Variants in CADM2 observed in about 807,000 individuals in gnomAD.
The protein encoded by CADM2 is cell adhesion molecule 2.
In CADM2, 12 loss-of-function variants were observed where a neutral mutation model predicts 49.8. The ratio of observed to expected loss-of-function variants is 0.24; its 90% confidence interval spans 0.15 to 0.39. The LOEUF is 0.39. Among genes scored for constraint, CADM2 ranks in the 10% least tolerant of loss-of-function variants. The probability of loss-of-function intolerance (pLI) is 1.00; values close to 1 mark genes in which losing one functional copy is unlikely to be tolerated. For synonymous variants in CADM2, 214 were observed against 175.4 expected, an observed-to-expected ratio of 1.22 and a Z score of -1.74; for missense variants, 378 against 492.3, an observed-to-expected ratio of 0.77 and a Z score of 2.20.
intron 1 of CADM2, among the ~76,000 whole-genome samples, chr3:85,354,429 A>G (rs1474983084): frequency 6.6e-6 from 1 of 151,404 alleles, no homozygotes; most frequent in East Asian, 2.0e-4. Context: ...GGTGCAGCAC[A>G]CCAACATGGC....
intron 1 of CADM2, among the ~76,000 whole-genome samples, chr3:85,295,509 T>G (rs1359379735): frequency 6.6e-6 from 1 of 152,026 alleles, no homozygotes; most frequent in Non-Finnish European, 1.5e-5. Context: ...TATTGCGGCA[T>G]TATTCACAAT....
At chr3:86,023,441 C>T (rs1354987770) in intron 8 of CADM2, among the ~76,000 whole-genome samples, 2 of 152,048 alleles carry the variant, frequency 1.3e-5, no homozygotes, top group African/African-American at 4.8e-5. Flanking sequence ...TCACTGCAAC[C>T]TCCACCTCCC....
At chr3:86,046,681 T>C (rs983082806) in intron 8 of CADM2, among the ~76,000 whole-genome samples, 4 of 152,130 alleles carry the variant, frequency 2.6e-5, no homozygotes, top group Non-Finnish European at 5.9e-5. Flanking sequence ...CCTGGGGACA[T>C]TATCAGCATG....
At chr3:85,209,394 C>T (rs1576123158) in intron 1 of CADM2, among the ~76,000 whole-genome samples, 1 of 151,934 alleles carries the variant, frequency 6.6e-6, no homozygotes, top group East Asian at 1.9e-4. Context: ...TAACTGAAGT[C>T]CTGAAAGGTT....
chr3:84,987,951 A>G (rs1324930005), intron 1 of CADM2, among the ~76,000 whole-genome samples: 4 of 152,168 alleles, frequency 2.6e-5, no homozygotes, highest in African/African-American at 9.6e-5. Flanking sequence ...CTTACTGAAC[A>G]CAGCCCTCGT....
intron 1 of CADM2, among the ~76,000 whole-genome samples, chr3:85,343,108 A>C (rs1015865142): frequency 6.6e-6 from 1 of 152,166 alleles, no homozygotes; most frequent in African/African-American, 2.4e-5. Flanking sequence ...GAAAATGGTA[A>C]TGCTACTGAC....
chr3:85,927,185 T>G (rs1401991323), intron 6 of CADM2, among the ~76,000 whole-genome samples: 1 of 152,204 alleles, frequency 6.6e-6, no homozygotes. Flanking sequence ...CGAGTAAATT[T>G]GATTTTCTAA....
chr3:85,903,795 C>G (rs1010143998), intron 5 of CADM2, among the ~76,000 whole-genome samples: 1 of 152,082 alleles, frequency 6.6e-6, no homozygotes, highest in Non-Finnish European at 1.5e-5. Flanking sequence ...CAGTGATTCC[C>G]CTTCACTATT....
At chr3:85,787,615 A>G (rs1342588685) in intron 2 of CADM2, among the ~76,000 whole-genome samples, 1 of 152,136 alleles carries the variant, frequency 6.6e-6, no homozygotes, top group Non-Finnish European at 1.5e-5. Flanking sequence ...TGCAAGTACC[A>G]TATGTTCAGC....
intron 8 of CADM2, among the ~76,000 whole-genome samples, chr3:86,060,863 T>C (rs1738550491): frequency 6.6e-6 from 1 of 151,820 alleles, no homozygotes; most frequent in African/African-American, 2.4e-5. Flanking sequence ...ACGTCTGTAG[T>C]CCCAGCTGCT....
At chr3:85,872,452 A>G (rs2075965903) in intron 3 of CADM2, among the ~76,000 whole-genome samples, 2 of 151,744 alleles carry the variant, frequency 1.3e-5, no homozygotes, top group African/African-American at 4.8e-5. Flanking sequence ...GTTTTTGGTA[A>G]GTTTTGGAAC....
intron 8 of CADM2, among the ~76,000 whole-genome samples, chr3:86,048,832 A>G (rs1405172277): frequency 6.6e-6 from 1 of 152,132 alleles, no homozygotes; most frequent in African/African-American, 2.4e-5. Context: ...TCTACATAAG[A>G]TCCCATCTCA....
At chr3:85,815,012 C>T (rs756235454) in intron 3 of CADM2, among the ~76,000 whole-genome samples, 2 of 152,038 alleles carry the variant, frequency 1.3e-5, no homozygotes, top group Non-Finnish European at 2.9e-5. Context: ...TCGATAAATT[C>T]CTGGACACAT....
chr3:85,014,672 G>T (rs900278641), intron 1 of CADM2, among the ~76,000 whole-genome samples: 1 of 152,134 alleles, frequency 6.6e-6, no homozygotes, highest in Non-Finnish European at 1.5e-5. Flanking sequence ...TCACAAGATT[G>T]CAGAGGCTAT....
At chr3:85,037,162 T>C (rs937505210) in intron 1 of CADM2, among the ~76,000 whole-genome samples, 4 of 150,872 alleles carry the variant, frequency 2.7e-5, no homozygotes, top group Non-Finnish European at 5.9e-5. Flanking sequence ...AGAGTGAAAC[T>C]CCATCTCTAA....
chr3:85,914,194 A>C (rs2108486226), intron 6 of CADM2, among the ~76,000 whole-genome samples: 1 of 152,312 alleles, frequency 6.6e-6, no homozygotes, highest in Middle Eastern at 3.4e-3. Context: ...AAGCAAATTC[A>C]GAAAGAAGCA....
At chr3:85,590,929 T>C (rs2063088543) in intron 1 of CADM2, among the ~76,000 whole-genome samples, 1 of 151,470 alleles carries the variant, frequency 6.6e-6, no homozygotes, top group Non-Finnish European at 1.5e-5. Flanking sequence ...GGAAACTCAT[T>C]TTTTTTTTGC....
chr3:85,715,927 C>T (rs143268279), intron 1 of CADM2, among the ~76,000 whole-genome samples: 2,240 of 152,258 alleles, frequency 0.015, 21 homozygotes, highest in Non-Finnish European at 0.022. Flanking sequence ...TGGGTTGGTT[C>T]CAAGTCTTTG....
intron 1 of CADM2, among the ~76,000 whole-genome samples, chr3:85,052,166 A>G (rs1386155207): frequency 6.6e-6 from 1 of 152,170 alleles, no homozygotes; most frequent in Non-Finnish European, 1.5e-5. Flanking sequence ...AGATGCAATT[A>G]CTGAAATGTA....
Sources: allele counts gnomAD v4.1 joint callset (sites outside exome capture counted in the v4.1 genomes callset), GRCh38; gene constraint gnomAD v4.1.1; transcripts MANE v1.5; gene names NCBI Gene and HGNC (gene_info 2026-07-23, HGNC 2026-07-21).